The following CDC25C variants were observed in gnomAD, a reference collection of about 807,000 sequenced individuals.
CDC25C encodes the protein cell division cycle 25C.
A neutral mutation model predicts 52.5 loss-of-function variants in CDC25C; 48 were observed. The ratio of observed to expected loss-of-function variants is 0.91; its 90% CI spans 0.72 to 1.16. CDC25C has a LOEUF of 1.16. CDC25C is among the 50% of genes most tolerant of loss of function. CDC25C has a pLI of 0.00. For missense variants in CDC25C, 510 were observed against 566.1 expected (o/e 0.90, Z 1.01); for synonymous variants, 187 against 206.5 (o/e 0.91, Z 0.81).
Position 138,327,508 on chromosome 5 carries a change from C to T in CDC25C, c.335+976G>A, listed in dbSNP as rs561431572. 1.4e-3 allele frequency among the ~76,000 whole-genome samples: 218 copies of T among 151,064 alleles called. 2 individuals are homozygous for T. Among genetic ancestry groups the T allele is most frequent in the Non-Finnish European group, 2.2e-3 (148 of 67,772 alleles). ...AAAATTAGCCGGGCGTGGTGGTGGACGCCTGTAATCCCAGCTACTCGGGAG... is the reference window on the plus strand; with the variant it reads ...AAAATTAGCCGGGCGTGGTGGTGGATGCCTGTAATCCCAGCTACTCGGGAG... On this transcript the variant is annotated intron_variant, in intron 4 of 13. Coordinates refer to ENST00000323760, the MANE Select transcript of CDC25C (RefSeq NM_001790.5).
Position 138,285,611 on chromosome 5 carries a change from G to T in CDC25C, c.*81C>A. 1 of 1,312,102 alleles carries T rather than the reference G, an allele frequency of 7.6e-7. No individual in the cohort carries two copies. The highest frequency in any genetic ancestry group is 1.1e-6 in the Non-Finnish European group (1 of 932,028). The allele number at this position is 1,312,102 out of a possible 1,614,324, so 81.3% of individuals were successfully genotyped here. A position where few individuals can be genotyped will look rare whatever the true frequency, so the allele number is the denominator to read the frequency against. ...ACATCTTTTAATAATCTTGGGTTTG[G>T]CCATCCAGAAGGCCTCTTTCTGCTC... On this transcript the variant is annotated 3_prime_UTR_variant, in exon 14 of 14. Coordinates refer to ENST00000323760, the MANE Select transcript of CDC25C (RefSeq NM_001790.5).
In CDC25C at chr5:138,287,165, T is replaced by C. The variant is rs779768871; in HGVS notation, c.1026+4A>G. The C allele has an allele frequency of 6.2e-7, 1 of 1,604,752 alleles. No homozygotes were observed. Among genetic ancestry groups the C allele is most frequent in the East Asian group, 2.2e-5 (1 of 44,836 alleles). On this transcript the variant is annotated splice_donor_region_variant and intron_variant, in intron 11 of 13. Coordinates refer to ENST00000323760, the MANE Select transcript of CDC25C (RefSeq NM_001790.5). ...CCCTACTAATGGCCACAATGTCGTCTCACCTGGATGTGTCCTCCCAGATAC... is the reference window on the plus strand; with the variant it reads ...CCCTACTAATGGCCACAATGTCGTCCCACCTGGATGTGTCCTCCCAGATAC...
In CDC25C at chr5:138,286,041, T is replaced by A. The variant is rs1335424909; in HGVS notation, c.1253A>T (p.Asp418Val). The A allele has an allele frequency of 1.2e-6, 2 of 1,613,146 alleles. No individual in the cohort carries two copies. Among genetic ancestry groups the A allele is most frequent in the African/African-American group, 1.3e-5 (1 of 74,890 alleles). Residue 418 changes from aspartate (D) to valine (V), a missense_variant, in exon 13 of 14, where the codon GAC (aspartate) becomes GTC (valine). Transcript: ENST00000323760. ...CTTTACCATATATTCTGGAAAGAAG[T>A]CTCTGTAGCCGCCTTTAAGGATATA... ...ELYILKGGYR[D>V]FFPEYMELCE...
intron 4 of CDC25C, among the ~76,000 whole-genome samples, chr5:138,326,610 G>A (rs1323037791): frequency 1.3e-5 from 2 of 151,938 alleles, no homozygotes; most frequent in Admixed American, 6.6e-5. Flanking sequence ...CAAACTTCTG[G>A]GATTACAGAT....
Position 138,326,196 on chromosome 5 carries a change from C to T in CDC25C, c.336-142G>A, listed in dbSNP as rs538431977. 3.6e-6 allele frequency: 3 copies of T among 839,856 alleles called. No individual in the cohort carries two copies. In the East Asian group the frequency reaches 7.3e-5, roughly 20 times the overall value. 52.0% of individuals were successfully genotyped at this position (839,856 alleles called of 1,614,324 possible). ...TGATATGTCTCTTCCAACAACAATA[C>T]ATAGGGTATTCTCTGTGGTAAATAT... On this transcript the variant is annotated intron_variant, in intron 4 of 13. Coordinates refer to ENST00000323760, the MANE Select transcript of CDC25C (RefSeq NM_001790.5).
At chr5:138,321,446 C>T (rs1047727083) in intron 6 of CDC25C, among the ~76,000 whole-genome samples, 2 of 151,948 alleles carry the variant, frequency 1.3e-5, no homozygotes, top group Admixed American at 6.6e-5. Flanking sequence ...AAACCAAAAA[C>T]CTAAATAAAA....
intron 10 of CDC25C, among the ~76,000 whole-genome samples, chr5:138,289,028 G>A (rs749776183): frequency 1.3e-5 from 2 of 152,016 alleles, no homozygotes; most frequent in African/African-American, 2.4e-5. Flanking sequence ...ACAGTGGCAC[G>A]ATCTCTGCTC....
At chr5:138,333,243 C>T (rs1210868374), upstream of CDC25C, among the ~76,000 whole-genome samples, 1 of 152,128 alleles carries the variant, frequency 6.6e-6, no homozygotes, top group East Asian at 1.9e-4. Context: ...AACGATAATT[C>T]GATAGGTCTA....
At chr5:138,313,725 T>C (rs963057417) in intron 7 of CDC25C, among the ~76,000 whole-genome samples, 30 of 152,068 alleles carry the variant, frequency 2.0e-4, no homozygotes, top group Non-Finnish European at 3.8e-4. Flanking sequence ...AGCTTCCATT[T>C]TCTCCTCTAT....
intron 7 of CDC25C, among the ~76,000 whole-genome samples, chr5:138,307,804 C>T (rs1226797247): frequency 6.6e-6 from 1 of 152,078 alleles, no homozygotes; most frequent in African/African-American, 2.4e-5. Context: ...TGCCACTCTT[C>T]CACCTAAACA....
chr5:138,336,135 GT>G (rs11312274), upstream of CDC25C, among the ~76,000 whole-genome samples: 90,967 of 135,094 alleles, frequency 0.67, 30,125 homozygotes, highest in East Asian at 0.84. Context: ...TTGTTCATTT[GT>G]TTTTTTTTTT....
Position 138,319,321 on chromosome 5 carries a change from A to G in CDC25C, c.513T>C (p.Thr171=). The G allele has an allele frequency of 6.2e-7, 1 of 1,613,412 alleles. No individual in the cohort carries two copies. Among genetic ancestry groups the G allele is most frequent in the Non-Finnish European group, 8.5e-7 (1 of 1,179,372 alleles). Residue 171 remains threonine (T), a synonymous_variant, in exon 7 of 14, where the codon ACT becomes ACC. Transcript: ENST00000323760. ...SEMKYLGSPI[T]TVPKLDKNPN... is the part of the protein sequence containing the mutation. ...GATTTTTATCCAATTTTGGAACAGT[A>G]GTAATGGGACTGCCCAAATATTTCA...
chr5:138,293,845 C>G (rs934667625), intron 7 of CDC25C, among the ~76,000 whole-genome samples: 2 of 151,736 alleles, frequency 1.3e-5, no homozygotes, highest in African/African-American at 4.8e-5. Context: ...GAGGGTTTTA[C>G]CATGTTGTCC....
At position 138,319,382 on chromosome 5, in the gene CDC25C, G is replaced by C. The variant is rs1478459901; in HGVS notation, c.460-8C>G. ...CACCAAGTTTCCATTGTCCTGTCAA[G>C]TATATTGACAACATTAAAAACTATT... On this transcript the variant is annotated splice_region_variant and splice_polypyrimidine_tract_variant and intron_variant, in intron 6 of 13. Transcript: ENST00000323760. The C allele has an allele frequency of 2.5e-6, 4 of 1,598,998 alleles. No homozygotes were observed. Among genetic ancestry groups the C allele is most frequent in the Non-Finnish European group, 3.4e-6 (4 of 1,171,198 alleles).
At chr5:138,286,243 G>C in intron 12 of CDC25C, 110 bp from the exon 13 acceptor site, 1 of 900,050 alleles carries the variant, frequency 1.1e-6, no homozygotes, top group Non-Finnish European at 1.7e-6. Context: ...ACCTCAAAAA[G>C]GACTTTCCAA....
At chr5:138,337,893 C>A in intron 1 of CDC25C, 1 of 1,188,110 alleles carries the variant, frequency 8.4e-7, no homozygotes, top group Non-Finnish European at 1.1e-6. Context: ...CGGCCCGAAC[C>A]GAGTGGGAGG....
rs1478508534 is a variant in CDC25C at position 138,285,789 on chromosome 5, G to A, written c.1325C>T (p.Thr442Ile). 3.1e-6 allele frequency: 5 copies of A among 1,614,022 alleles called. No homozygotes were observed. Among genetic ancestry groups the A allele is most frequent in the Non-Finnish European group, 4.2e-6 (5 of 1,179,974 alleles). ...YCPMHHQDHK[T>I]ELLRCRSQSK... is the part of the protein sequence containing the mutation. ...CTGGCTTCGACACCTCAGCAACTCA[G>A]TCTTGTGGTCCTGATGATGCATAGG... The change falls in exon 14 of 14, where the codon ACT (threonine) becomes ATT (isoleucine). Residue 442 changes from threonine (T) to isoleucine (I), a missense_variant. Transcript: ENST00000323760.
At chr5:138,321,151 G>C (rs1759351302) in intron 6 of CDC25C, among the ~76,000 whole-genome samples, 1 of 152,080 alleles carries the variant, frequency 6.6e-6, no homozygotes, top group Non-Finnish European at 1.5e-5. Flanking sequence ...ATCTAGAATA[G>C]TCAAATTCAC....
intron 6 of CDC25C, 83 bp downstream of exon 6, chr5:138,325,732 G>T: frequency 2.2e-6 from 2 of 928,856 alleles, no homozygotes; most frequent in Non-Finnish European, 3.5e-6. Context: ...GGTATAAACA[G>T]TTCTATGTCT....
Sources: gnomAD v4.1 joint callset for allele counts (sites outside exome capture counted in the v4.1 genomes callset) on GRCh38, gnomAD v4.1.1 for gene constraint, MANE v1.5 for transcripts, NCBI Gene and HGNC (gene_info 2026-07-23, HGNC 2026-07-21) for gene names.